The following ZIK1 variants were observed in gnomAD, a reference collection of about 807,000 sequenced individuals.
The protein encoded by ZIK1 is zinc finger protein interacting with K protein 1.
Under a neutral mutation model 10.7 loss-of-function variants are expected in ZIK1, and 12 were observed. The ratio of observed to expected loss-of-function variants is 1.12; its 90% CI spans 0.72 to 1.81. The LOEUF (loss-of-function observed/expected upper bound fraction) is 1.81, where lower values mean the gene tolerates loss of function less well. Among genes scored for constraint, ZIK1 ranks in the 40% most tolerant of loss-of-function variants. ZIK1 has a pLI of 0.00. For synonymous variants in ZIK1, 190 were observed against 205.0 expected (o/e 0.93, Z 0.63); for missense variants, 497 against 585.7 (o/e 0.85, Z 1.56).
chr19:57,584,554 A>G (rs1319473688), intron 1 of ZIK1, 165 bp downstream of exon 1: 2 of 1,414,482 alleles, frequency 1.4e-6, no homozygotes, highest in Non-Finnish European at 1.8e-6. Flanking sequence ...AGGCAAAGGG[A>G]CCAGCGTTTC....
At chr19:57,589,613 G>A (rs1196249038) in intron 3 of ZIK1, 3 of 985,286 alleles carry the variant, frequency 3.0e-6, no homozygotes, top group African/African-American at 1.7e-5. Context: ...TTGCTACTCA[G>A]TTTCAATTGT....
rs748130966 is a variant in ZIK1 at position 57,588,584 on chromosome 19, G to A, written c.118G>A (p.Glu40Lys). Residue 40 changes from glutamate to lysine, a missense_variant, in exon 3 of 4, where the codon GAG (glutamate) becomes AAG (lysine). Physicochemically the swap from Glu to Lys is moderately conservative, Grantham distance 56. Coordinates refer to ENST00000597850, the MANE Select transcript of ZIK1 (RefSeq NM_001010879.4). ...CATCGCCATTTACTTCTCACAGGAC[G>A]AGTGGGGACTTCTTGATGAGGCTCA... The part of the protein sequence containing the change: ...EDIAIYFSQD[E>K]WGLLDEAQRL... 9.5e-6 allele frequency: 15 copies of A among 1,582,376 alleles called. No homozygotes were observed. Among genetic ancestry groups the A allele is most frequent in the South Asian group, 4.6e-5 (4 of 86,276 alleles).
intron 2 of ZIK1, 76 bp downstream of exon 2, chr19:57,585,066 A>G (rs932280040): frequency 2.0e-6 from 3 of 1,467,416 alleles, no homozygotes; most frequent in Non-Finnish European, 2.8e-6. Context: ...TTTTGCCACC[A>G]TCCAGTTCTT....
Position 57,584,962 on chromosome 19 carries a change from C to T in ZIK1, c.44C>T (p.Ser15Phe). The T allele has an allele frequency of 6.2e-7, 1 of 1,613,984 alleles. No individual in the cohort carries two copies. The highest frequency in any genetic ancestry group is 8.5e-7 in the Non-Finnish European group (1 of 1,179,936). The change falls in exon 2 of 4, where the codon TCT becomes TTT. Residue 15 changes from serine to phenylalanine, a missense_variant. Physicochemically the swap from Ser to Phe is radical, Grantham distance 155. Coordinates refer to ENST00000597850, the MANE Select transcript of ZIK1 (RefSeq NM_001010879.4). ...ALRAPTQVTV[S>F]PETHMDLTKG... ...TTTGGCTTTCCACAGGTTACTGTGTCTCCAGAAACACATATGGACCTCACA... is the reference window on the plus strand; with the variant it reads ...TTTGGCTTTCCACAGGTTACTGTGTTTCCAGAAACACATATGGACCTCACA...
intron 2 of ZIK1, among the ~76,000 whole-genome samples, chr19:57,585,555 G>C (rs1568612397): frequency 6.6e-6 from 1 of 152,130 alleles, no homozygotes. Flanking sequence ...GCTGGATTCT[G>C]GGTCAGAATT....
At chr19:57,589,326 G>A (rs1054076520) in intron 3 of ZIK1, 11 of 985,240 alleles carry the variant, frequency 1.1e-5, no homozygotes, top group South Asian at 4.7e-5. Context: ...GCTGTTTTCC[G>A]ATCACATAAG....
At chr19:57,587,509 T>C (rs1345576514) in intron 2 of ZIK1, among the ~76,000 whole-genome samples, 1 of 152,194 alleles carries the variant, frequency 6.6e-6, no homozygotes, top group Non-Finnish European at 1.5e-5. Flanking sequence ...AGAGAGCTAC[T>C]ATCTAGTGCT....
At chr19:57,587,237 A>G (rs952156137) in intron 2 of ZIK1, among the ~76,000 whole-genome samples, 3 of 152,190 alleles carry the variant, frequency 2.0e-5, no homozygotes, top group Non-Finnish European at 2.9e-5. Flanking sequence ...TTGGGTGGGG[A>G]CGCAGCCAAA....
intron 1 of ZIK1, 30 bp downstream of exon 1, chr19:57,584,419 T>C (rs778863895): frequency 6.2e-7 from 1 of 1,604,292 alleles, no homozygotes; most frequent in Admixed American, 1.7e-5. Context: ...GGCCTCACCC[T>C]CCATCCCCAA....
intron 3 of ZIK1, 29 bp from the exon 4 acceptor site, chr19:57,589,982 A>G: frequency 6.2e-7 from 1 of 1,601,448 alleles, no homozygotes; most frequent in Non-Finnish European, 8.5e-7. Flanking sequence ...TAGTCAATGT[A>G]TATTTCATCA....
At chr19:57,587,032 G>C (rs1362046895) in intron 2 of ZIK1, among the ~76,000 whole-genome samples, 1 of 152,176 alleles carries the variant, frequency 6.6e-6, no homozygotes, top group African/African-American at 2.4e-5. Context: ...AGGGTGAAAG[G>C]CATGTCTTGC....
chr19:57,584,252 A>C lies in ZIK1; in HGVS notation c.-105A>C, dbSNP rs1294068729. Reference sequence around the variant, plus strand: ...CGCGAGGGGAGGGGTCCTCCCGCTGAACAGTGGGGGTTCTAAGGGTCGGCG... The same window carrying C: ...CGCGAGGGGAGGGGTCCTCCCGCTGCACAGTGGGGGTTCTAAGGGTCGGCG... On this transcript the variant is annotated 5_prime_UTR_variant, in exon 1 of 4. Coordinates refer to ENST00000597850, the MANE Select transcript of ZIK1 (RefSeq NM_001010879.4). 6.7e-7 allele frequency: 1 copy of C among 1,487,884 alleles called. No individual in the cohort carries two copies. The highest frequency in any genetic ancestry group is 9.0e-7 in the Non-Finnish European group (1 of 1,116,900). The allele number at this position is 1,487,884 out of a possible 1,614,324, so 92.2% of individuals were successfully genotyped here.
In ZIK1 at chr19:57,592,476, TGTTG is replaced by T. The variant is rs1274116432; in HGVS notation, c.*1205_*1208del. 3 of 152,232 alleles carry T rather than the reference TGTTG, an allele frequency of 2.0e-5. No individual in the cohort carries two copies. Among genetic ancestry groups the T allele is most frequent in the Non-Finnish European group, 2.9e-5 (2 of 68,046 alleles). 9.4% of individuals were successfully genotyped at this position (152,232 alleles called of 1,614,324 possible). On this transcript the variant is annotated 3_prime_UTR_variant, in exon 4 of 4. Transcript: ENST00000597850. ...TTAAAGGGTTTTATTTTTTAATTCTTGTTGGTTTTCTAGGTTGTTCACCTCAAGT... is the reference window on the plus strand; with the variant it reads ...TTAAAGGGTTTTATTTTTTAATTCTTGTTTTCTAGGTTGTTCACCTCAAGT...
chr19:57,590,612 G>A lies in ZIK1; in HGVS notation c.801G>A (p.Trp267Ter), dbSNP rs577749417. The stretch of plus-strand genomic sequence containing the variant: ...GAGTCCATACTGGAGAAAGGCCTTG[G>A]GAGTGCAATGAATGTGGAAAATTCT... ...HQRVHTGERP[W>*]ECNECGKFFS... Residue 267 changes from tryptophan (W) to a stop codon, truncating the protein, a stop_gained, in exon 4 of 4, where the codon TGG (tryptophan) becomes TGA (stop). Coordinates refer to ENST00000597850, the MANE Select transcript of ZIK1 (RefSeq NM_001010879.4). LOFTEE classifies it low-confidence loss of function (END_TRUNC). The A allele has an allele frequency of 6.2e-7, 1 of 1,613,634 alleles. No individual in the cohort carries two copies. The highest frequency in any genetic ancestry group is 8.5e-7 in the Non-Finnish European group (1 of 1,179,882).
intron 1 of ZIK1, chr19:57,584,644 T>C: frequency 7.2e-7 from 1 of 1,385,042 alleles, no homozygotes. Flanking sequence ...CTTAGGATGC[T>C]AGGAGCCGTG....
Position 57,590,116 on chromosome 19 carries a change from G to T in ZIK1, c.305G>T (p.Cys102Phe), listed in dbSNP as rs748932626. Residue 102 changes from cysteine to phenylalanine, a missense_variant, in exon 4 of 4, where the codon TGT (cysteine) becomes TTT (phenylalanine). Coordinates refer to ENST00000597850, the MANE Select transcript of ZIK1 (RefSeq NM_001010879.4). ...AGSSTQKTQS[C>F]EMCVPVLKDI... ...TCATCCACACAGAAGACTCAATCCTGTGAGATGTGTGTCCCAGTCCTGAAA... is the reference window on the plus strand; with the variant it reads ...TCATCCACACAGAAGACTCAATCCTTTGAGATGTGTGTCCCAGTCCTGAAA... 6.2e-7 allele frequency: 1 copy of T among 1,614,200 alleles called. No individual in the cohort carries two copies. Among genetic ancestry groups the T allele is most frequent in the East Asian group, 2.2e-5 (1 of 44,880 alleles).
At position 57,590,425 on chromosome 19, in the gene ZIK1, G is replaced by A. The variant is rs556272973; in HGVS notation, c.614G>A (p.Arg205His). The A allele has an allele frequency of 2.2e-5, 36 of 1,614,114 alleles. No individual in the cohort carries two copies. The highest frequency in any genetic ancestry group is 8.0e-5 in the African/African-American group (6 of 75,026). Residue 205 changes from arginine to histidine, a missense_variant, in exon 4 of 4, where the codon CGC (arginine) becomes CAC (histidine). Coordinates refer to ENST00000597850, the MANE Select transcript of ZIK1 (RefSeq NM_001010879.4). ...GTITECGEDIRSQKSHYKSGE... is the reference protein window; with the variant it reads ...GTITECGEDIHSQKSHYKSGE... ...ATTACTGAATGTGGGGAGGACATTC[G>A]CAGTCAAAAAAGTCATTACAAGTCA... is the stretch of plus-strand genomic sequence containing the variant.
chr19:57,589,938 G>T, intron 3 of ZIK1, 73 bp from the exon 4 acceptor site: 1 of 1,501,374 alleles, frequency 6.7e-7, no homozygotes, highest in South Asian at 1.3e-5. Context: ...TCATTCGTTT[G>T]GTATGTGTGT....
intron 3 of ZIK1, among the ~76,000 whole-genome samples, chr19:57,588,904 C>T (rs1979409148): frequency 6.6e-6 from 1 of 151,732 alleles, no homozygotes; most frequent in Admixed American, 6.5e-5. Context: ...CTCTTCTTGG[C>T]TGGGTGTCTG....
Sources: allele counts gnomAD v4.1 joint callset (sites outside exome capture counted in the v4.1 genomes callset), GRCh38; gene constraint gnomAD v4.1.1; transcripts MANE v1.5; gene names NCBI Gene and HGNC (gene_info 2026-07-23, HGNC 2026-07-21).